PCDHGA1: variants seen among roughly 807,000 people sequenced by gnomAD.
PCDHGA1 encodes protocadherin gamma subfamily A, 1, also known as protocadherin gamma-A1.
A neutral mutation model predicts 58.0 loss-of-function variants in PCDHGA1; 32 were observed. That is an observed-to-expected ratio of 0.55 (90% CI 0.42 to 0.74). PCDHGA1 has a LOEUF of 0.74. Among genes scored for constraint, PCDHGA1 ranks in the 30% least tolerant of loss-of-function variants. The pLI, the probability that PCDHGA1 is intolerant of heterozygous loss-of-function variation, is 0.00. For missense variants in PCDHGA1, 1,205 were observed against 1,182.3 expected, an observed-to-expected ratio of 1.02 and a Z score of -0.28; for synonymous variants, 498 against 501.1, an observed-to-expected ratio of 0.99 and a Z score of 0.08.
chr5:141,420,197 A>C (rs760921171), intron 1 of PCDHGA1: 2 of 1,613,630 alleles, frequency 1.2e-6, no homozygotes, highest in South Asian at 2.2e-5. Context: ...CACACAAGAT[A>C]ACCTCAACAA....
intron 1 of PCDHGA1, chr5:141,399,617 T>G: frequency 6.2e-7 from 1 of 1,613,944 alleles, no homozygotes; most frequent in Non-Finnish European, 8.5e-7. Flanking sequence ...CCTCTGGCAC[T>G]GGCCTCTTAC....
At chr5:141,360,126 G>A in intron 1 of PCDHGA1, 1 of 1,585,250 alleles carries the variant, frequency 6.3e-7, no homozygotes, top group Non-Finnish European at 8.6e-7. Context: ...GGAGCAAAGG[G>A]AGCCAGAAGA....
chr5:141,340,583 G>C (rs749787210), intron 1 of PCDHGA1: 1 of 1,614,102 alleles, frequency 6.2e-7, no homozygotes, highest in Non-Finnish European at 8.5e-7. Context: ...GCGGGACAGC[G>C]GGAACCCTCC....
chr5:141,421,879 G>T (rs1458461652), intron 1 of PCDHGA1: 1 of 1,613,746 alleles, frequency 6.2e-7, no homozygotes, highest in Non-Finnish European at 8.5e-7. Context: ...AGCTTTAGAT[G>T]GAGGCGATCC....
At chr5:141,359,669 G>T (rs1417596414) in intron 1 of PCDHGA1, among the ~76,000 whole-genome samples, 1 of 151,966 alleles carries the variant, frequency 6.6e-6, no homozygotes, top group African/African-American at 2.4e-5. Context: ...ATAAAAATCC[G>T]TTGCCCTATA....
intron 1 of PCDHGA1, chr5:141,404,696 G>A (rs757662807): frequency 6.2e-7 from 1 of 1,614,104 alleles, no homozygotes; most frequent in Non-Finnish European, 8.5e-7. Context: ...ACCCCGCTCT[G>A]CAGAGCCTGG....
chr5:141,442,232 T>A (rs1303447766), intron 1 of PCDHGA1: 2 of 153,276 alleles, frequency 1.3e-5, no homozygotes, highest in Non-Finnish European at 2.9e-5. Context: ...TTCCTTTTTA[T>A]TCTTCCTGAT....
intron 1 of PCDHGA1, chr5:141,370,205 T>C (rs1766739640): frequency 3.7e-6 from 2 of 547,650 alleles, no homozygotes; most frequent in South Asian, 6.6e-5. Flanking sequence ...GTGCAAAATA[T>C]TGGCTCCTCC....
intron 1 of PCDHGA1, chr5:141,413,776 G>A: frequency 6.2e-7 from 1 of 1,613,188 alleles, no homozygotes; most frequent in Non-Finnish European, 8.5e-7. Context: ...GCTGGTACTG[G>A]AGCACTCCCT....
chr5:141,419,065 C>T (rs763008753), intron 1 of PCDHGA1: 3 of 1,613,904 alleles, frequency 1.9e-6, no homozygotes, highest in Non-Finnish European at 2.5e-6. Flanking sequence ...ATAATTACTA[C>T]AAGCTAGTAA....
At chr5:141,349,592 A>C (rs1442009936) in intron 1 of PCDHGA1, among the ~76,000 whole-genome samples, 2 of 152,152 alleles carry the variant, frequency 1.3e-5, no homozygotes, top group Non-Finnish European at 2.9e-5. Context: ...TTTTTGCAAA[A>C]ACTATTTTTG....
At chr5:141,394,364 G>A (rs1293513120) in intron 1 of PCDHGA1, 1 of 1,614,186 alleles carries the variant, frequency 6.2e-7, no homozygotes. Flanking sequence ...TGTATGCGCT[G>A]CAATCTTTCG....
intron 2 of PCDHGA1, among the ~76,000 whole-genome samples, chr5:141,503,780 T>G (rs779791247): frequency 7.2e-5 from 11 of 152,124 alleles, no homozygotes; most frequent in Non-Finnish European, 1.3e-4. Flanking sequence ...GTTCTTAGGC[T>G]GAGTTCATCT....
At chr5:141,460,981 GTGTATA>G (rs1450537646) in intron 1 of PCDHGA1, among the ~76,000 whole-genome samples, 10 of 121,882 alleles carry the variant, frequency 8.2e-5, no homozygotes, top group African/African-American at 3.1e-4. Flanking sequence ...GTGTGTGTGT[GTGTATA>G]TATATATATG....
chr5:141,459,687 G>A (rs191874235), intron 1 of PCDHGA1, among the ~76,000 whole-genome samples: 15 of 152,278 alleles, frequency 9.9e-5, no homozygotes, highest in Admixed American at 2.0e-4. Context: ...TGCATAAAGC[G>A]TTCCGCTTGC....
chr5:141,384,013 C>T, intron 1 of PCDHGA1: 1 of 1,613,758 alleles, frequency 6.2e-7, no homozygotes, highest in Non-Finnish European at 8.5e-7. Context: ...TTTCTACCTA[C>T]AAGACAGAGA....
intron 1 of PCDHGA1, among the ~76,000 whole-genome samples, chr5:141,456,179 A>G (rs1161415053): frequency 6.6e-6 from 1 of 151,860 alleles, no homozygotes; most frequent in Non-Finnish European, 1.5e-5. Context: ...TTACAGAATA[A>G]TTTCTTAATA....
At chr5:141,366,588 A>G (rs1222422488) in intron 1 of PCDHGA1, 1 of 1,614,114 alleles carries the variant, frequency 6.2e-7, no homozygotes, top group African/African-American at 1.3e-5. Context: ...CTGCAGACCT[A>G]TTCCCACGAG....
intron 1 of PCDHGA1, chr5:141,430,946 G>C: frequency 6.2e-7 from 1 of 1,609,494 alleles, no homozygotes. Context: ...CGCGGAGCGC[G>C]GAGTCCGCAT....
Sources: gnomAD v4.1 joint callset for allele counts (sites outside exome capture counted in the v4.1 genomes callset) on GRCh38, gnomAD v4.1.1 for gene constraint, MANE v1.5 for transcripts, NCBI Gene and HGNC (gene_info 2026-07-23, HGNC 2026-07-21) for gene names.